ANK2: variants seen among roughly 807,000 people sequenced by gnomAD.
The protein encoded by ANK2 is ankyrin-2.
A neutral mutation model predicts 360.5 loss-of-function variants in ANK2; 83 were observed. The observed-to-expected ratio is 0.23, with a 90% confidence interval of 0.19 to 0.28. The LOEUF (loss-of-function observed/expected upper bound fraction) is 0.28, where lower values mean the gene tolerates loss of function less well. Ranked by LOEUF, ANK2 falls within the 10% of genes least tolerant of loss-of-function variation. The probability of loss-of-function intolerance (pLI) is 1.00; values close to 1 mark genes in which losing one functional copy is unlikely to be tolerated. For synonymous variants in ANK2, 1,740 were observed against 1,759.5 expected, an observed-to-expected ratio of 0.99 and a Z score of 0.28; for missense variants, 4,201 against 4,795.7, an observed-to-expected ratio of 0.88 and a Z score of 3.66.
intron 5 of ANK2, among the ~76,000 whole-genome samples, chr4:113,232,593 T>G (rs1464637834): frequency 6.6e-6 from 1 of 152,218 alleles, no homozygotes; most frequent in Non-Finnish European, 1.5e-5. Flanking sequence ...TACTTTATCT[T>G]TGTTAGGATC....
chr4:113,255,312 T>C (rs551313121), intron 10 of ANK2, among the ~76,000 whole-genome samples: 3 of 152,340 alleles, frequency 2.0e-5, no homozygotes, highest in Admixed American at 1.3e-4. Context: ...ACCTGCCCAC[T>C]TGCTTCTCAT....
chr4:113,093,385 G>A (rs570862670), intron 1 of ANK2, among the ~76,000 whole-genome samples: 2 of 152,018 alleles, frequency 1.3e-5, no homozygotes, highest in African/African-American at 4.8e-5. Flanking sequence ...TATTCGAGAT[G>A]GAGTCTTGCT....
chr4:113,354,164 G>A lies in ANK2; in HGVS notation c.5546G>A (p.Ser1849Asn). Residue 1849 changes from serine to asparagine, a missense_variant, in exon 38 of 46, where the codon AGT becomes AAT. By Grantham distance (46) the Ser-to-Asn change is conservative. Coordinates refer to ENST00000357077, the MANE Select transcript of ANK2 (RefSeq NM_001148.6). Reference sequence around the variant, plus strand: ...AGGCACCCTCCAGTATCACCATCAAGTAAAACTGAGAAACACTCACCTGTG... The same window carrying A: ...AGGCACCCTCCAGTATCACCATCAAATAAAACTGAGAAACACTCACCTGTG... ...TERHPPVSPS[S>N]KTEKHSPVSP... 1.2e-6 allele frequency: 2 copies of A among 1,613,938 alleles called. No individual in the cohort carries two copies. Among genetic ancestry groups the A allele is most frequent in the Non-Finnish European group, 8.5e-7 (1 of 1,179,918 alleles).
chr4:113,261,902 T>C (rs2053129535), intron 13 of ANK2, among the ~76,000 whole-genome samples: 1 of 152,096 alleles, frequency 6.6e-6, no homozygotes. Flanking sequence ...AAAATAAACA[T>C]GAAGGCCAAG....
At chr4:112,710,960 T>TA in the ANK2 span, among the ~76,000 whole-genome samples, 1 of 144,060 alleles carries the variant, frequency 6.9e-6, no homozygotes, top group Non-Finnish European at 1.5e-5. Flanking sequence ...TTTATTTATT[T>TA]TTTATTATAA....
At position 113,310,541 on chromosome 4, in the gene ANK2, C is replaced by T. The variant is rs1391053441; in HGVS notation, c.2549-714C>T. 2.0e-5 allele frequency among the ~76,000 whole-genome samples: 3 copies of T among 152,200 alleles called. No individual in the cohort carries two copies. In the South Asian group the frequency reaches 6.2e-4, roughly 32 times the overall value. On this transcript the variant is annotated intron_variant, in intron 23 of 45. Transcript: ENST00000357077. ...AAGCAATTCTCCTGCCTCAGCCTCC[C>T]AAGTAGCTGGGACTACAGGCATGTG...
chr4:113,338,770 T>C (rs898943248), intron 31 of ANK2, among the ~76,000 whole-genome samples: 4 of 151,904 alleles, frequency 2.6e-5, no homozygotes, highest in African/African-American at 7.3e-5. Flanking sequence ...AGGATGGTCT[T>C]GATCTCCTGA....
At position 113,329,420 on chromosome 4, in the gene ANK2, G is replaced by A. The variant is rs2091637266; in HGVS notation, c.2901-826G>A. Among the ~76,000 whole-genome samples the A allele has an allele frequency of 2.0e-5, 3 of 152,114 alleles. No homozygotes were observed. The South Asian group carries it at 6.2e-4, about 32-fold the overall frequency. On this transcript the variant is annotated intron_variant, in intron 26 of 45. Coordinates refer to ENST00000357077, the MANE Select transcript of ANK2 (RefSeq NM_001148.6). ...TAGAAGAAAAGGAGAAAAATTAATA[G>A]GGATGCTGTTAACATTTCTAAATTA... is the stretch of plus-strand genomic sequence containing the variant.
chr4:113,042,939 G>T (rs1430531558), intron 2 of ANK2, among the ~76,000 whole-genome samples: 1 of 152,012 alleles, frequency 6.6e-6, no homozygotes, highest in Non-Finnish European at 1.5e-5. Flanking sequence ...TCCTACAGAG[G>T]GTGTTACTGT....
intron 2 of ANK2, among the ~76,000 whole-genome samples, chr4:113,195,367 A>G (rs2098732987): frequency 6.7e-6 from 1 of 150,258 alleles, no homozygotes; most frequent in Non-Finnish European, 1.5e-5. Context: ...AGTATGACTC[A>G]CAGTCATTCT....
chr4:113,186,560 G>GTCTCTCTC (rs932864935), intron 2 of ANK2, among the ~76,000 whole-genome samples: 1 of 71,608 alleles, frequency 1.4e-5, no homozygotes, highest in African/African-American at 9.7e-5. Flanking sequence ...ATCTTCCCGT[G>GTCTCTCTC]TCTCTCTCTC....
At chr4:113,332,166 C>CACA in intron 28 of ANK2, 96 bp downstream of exon 28, 1 of 1,092,652 alleles carries the variant, frequency 9.2e-7, no homozygotes, top group Non-Finnish European at 1.4e-6. Context: ...GTGCCCATGA[C>CACA]ATGTCCCTTT....
At chr4:112,780,035 A>G in the ANK2 span, among the ~76,000 whole-genome samples, 1 of 151,982 alleles carries the variant, frequency 6.6e-6, no homozygotes, top group Non-Finnish European at 1.5e-5. Context: ...CCAGCTTGGG[A>G]AACATGGTGA....
intron 14 of ANK2, among the ~76,000 whole-genome samples, chr4:113,271,274 A>C (rs2058390802): frequency 6.6e-6 from 1 of 152,194 alleles, no homozygotes; most frequent in African/African-American, 2.4e-5. Flanking sequence ...GCTCATGCGC[A>C]TTCATGCGGC....
intron 2 of ANK2, among the ~76,000 whole-genome samples, chr4:112,996,397 A>C (rs537384083): frequency 6.6e-6 from 1 of 152,176 alleles, no homozygotes; most frequent in East Asian, 1.9e-4. Context: ...AATATATGCA[A>C]ATTTTTATGC....
At chr4:113,373,489 G>A (rs2154075494) in intron 45 of ANK2, 40 bp downstream of exon 45, 3 of 1,600,660 alleles carry the variant, frequency 1.9e-6, no homozygotes, top group Non-Finnish European at 2.6e-6. Context: ...TTGATGGAGA[G>A]GAACAAAATA....
At chr4:113,251,974 C>T (rs574607019) in intron 10 of ANK2, among the ~76,000 whole-genome samples, 1 of 152,220 alleles carries the variant, frequency 6.6e-6, no homozygotes, top group East Asian at 1.9e-4. Flanking sequence ...TCTCCCTCCC[C>T]TTCTGTATTA....
At chr4:113,152,900 C>CA (rs1041634730) in intron 1 of ANK2, among the ~76,000 whole-genome samples, 40 of 149,348 alleles carry the variant, frequency 2.7e-4, no homozygotes, top group Admixed American at 7.3e-4. Context: ...GATGCTGTCT[C>CA]AAAAAAAAAT....
At chr4:112,851,086 A>G (rs1330962227) in intron 1 of ANK2, among the ~76,000 whole-genome samples, 2 of 152,164 alleles carry the variant, frequency 1.3e-5, no homozygotes, top group African/African-American at 2.4e-5. Context: ...ATACACTAGA[A>G]GTAAGACAGA....
Sources: allele counts gnomAD v4.1 joint callset (sites outside exome capture counted in the v4.1 genomes callset), GRCh38; gene constraint gnomAD v4.1.1; transcripts MANE v1.5; gene names NCBI Gene and HGNC (gene_info 2026-07-23, HGNC 2026-07-21).